NTN1: variants seen among roughly 807,000 people sequenced by gnomAD.
NTN1 encodes netrin-1.
In NTN1, 11 loss-of-function variants were observed where a neutral mutation model predicts 54.2. That is an observed-to-expected ratio of 0.20 (90% CI 0.13 to 0.34). The LOEUF is 0.34. Ranked by LOEUF, NTN1 falls within the 10% of genes least tolerant of loss-of-function variation. The pLI is 1.00. For missense variants in NTN1, 740 were observed against 893.1 expected, an observed-to-expected ratio of 0.83 and a Z score of 2.18; for synonymous variants, 371 against 382.0, an observed-to-expected ratio of 0.97 and a Z score of 0.33.
intron 5 of NTN1, among the ~76,000 whole-genome samples, chr17:9,218,330 C>G (rs1266454907): frequency 6.6e-6 from 1 of 152,154 alleles, no homozygotes; most frequent in Non-Finnish European, 1.5e-5. Flanking sequence ...AAAATGGGGC[C>G]TGATTGAAGG....
chr17:9,145,749 T>C (rs753093682), intron 2 of NTN1, among the ~76,000 whole-genome samples: 62 of 151,954 alleles, frequency 4.1e-4, no homozygotes, highest in Admixed American at 6.6e-4. Flanking sequence ...AAACCCTGTC[T>C]CTACTGAAAA....
chr17:9,193,935 A>AAAAAAAC lies in NTN1; in HGVS notation c.1411+10972_1411+10973insCAAAAAA, dbSNP rs1555574991. Among the ~76,000 whole-genome samples the AAAAAAAC allele has an allele frequency of 1.3e-4, 16 of 123,634 alleles. No homozygotes were observed. The East Asian group carries it at 4.6e-3, about 35-fold the overall frequency. 81.1% of individuals were successfully genotyped at this position (123,634 alleles called of 152,430 possible). ...AAACTCCGACTAAAAAAAAAAAAAA[A>AAAAAAAC]AAAAAAAAACATTATGCAGGTTGGG... On this transcript the variant is annotated intron_variant, in intron 5 of 6. Transcript: ENST00000173229.
chr17:9,023,743 C>T (rs1161960167), intron 2 of NTN1, among the ~76,000 whole-genome samples: 1 of 152,240 alleles, frequency 6.6e-6, no homozygotes, highest in Non-Finnish European at 1.5e-5. Context: ...GATTCACCTG[C>T]ACCCACCCCC....
At position 9,130,240 on chromosome 17, in the gene NTN1, A is replaced by G. The variant is rs1015203667; in HGVS notation, c.1019-32573A>G. Among the ~76,000 whole-genome samples the G allele has an allele frequency of 4.6e-5, 7 of 152,094 alleles. No individual in the cohort carries two copies. The South Asian group carries it at 6.2e-4, about 14-fold the overall frequency. On this transcript the variant is annotated intron_variant, in intron 2 of 6. Coordinates refer to ENST00000173229, the MANE Select transcript of NTN1 (RefSeq NM_004822.3). ...GGCAGATTCTTTGCAGGAGGCTGGT[A>G]TGGGTTTCACTCCAGCACCATGGGT...
chr17:9,059,243 C>G (rs931126552), intron 2 of NTN1, among the ~76,000 whole-genome samples: 2 of 152,226 alleles, frequency 1.3e-5, no homozygotes, highest in East Asian at 1.9e-4. Context: ...GAGGAACTTA[C>G]GCAAATCCTC....
chr17:9,169,804 A>G (rs551050607), intron 3 of NTN1, among the ~76,000 whole-genome samples: 52 of 152,278 alleles, frequency 3.4e-4, no homozygotes, highest in Middle Eastern at 3.4e-3. Context: ...GGCAGAGGTT[A>G]CAGTGAGCCG....
intron 5 of NTN1, among the ~76,000 whole-genome samples, chr17:9,191,942 G>A (rs562754254): frequency 1.3e-5 from 2 of 150,648 alleles, no homozygotes; most frequent in East Asian, 1.9e-4. Flanking sequence ...GCCACTGCAC[G>A]GCAGCGTGGG....
At chr17:9,060,223 A>G (rs2091992544) in intron 2 of NTN1, among the ~76,000 whole-genome samples, 1 of 152,064 alleles carries the variant, frequency 6.6e-6, no homozygotes, top group South Asian at 2.1e-4. Flanking sequence ...TGTGAAGATG[A>G]CAAGGATGAA....
intron 2 of NTN1, among the ~76,000 whole-genome samples, chr17:9,131,654 C>T (rs547686627): frequency 2.0e-5 from 3 of 150,226 alleles, no homozygotes; most frequent in South Asian, 4.2e-4. Flanking sequence ...GATATTAGCT[C>T]ACTGCAACCT....
At chr17:9,233,306 C>T (rs904642173) in intron 6 of NTN1, among the ~76,000 whole-genome samples, 4 of 152,066 alleles carry the variant, frequency 2.6e-5, no homozygotes, top group Admixed American at 6.5e-5. Flanking sequence ...GTTGTTTATT[C>T]GGGGCTGGGC....
rs75111339 is a variant in NTN1, at chr17:9,232,908, C to T, written c.1487-6732C>T. On this transcript the variant is annotated intron_variant, in intron 6 of 6. Transcript: ENST00000173229. Reference sequence around the variant, plus strand: ...GCATTTCAGGAAAGCAGCTGCAGCTCGTGACACGCTTTCCACAGCGGGAGA... The same window carrying T: ...GCATTTCAGGAAAGCAGCTGCAGCTTGTGACACGCTTTCCACAGCGGGAGA... Among the ~76,000 whole-genome samples, 1,036 of 152,244 alleles carry T rather than the reference C, an allele frequency of 6.8e-3. 33 individuals are homozygous for T. Among genetic ancestry groups the T allele is most frequent in the African/African-American group, 0.024 (983 of 41,468 alleles).
chr17:9,046,531 G>A (rs2091941886), intron 2 of NTN1, among the ~76,000 whole-genome samples: 2 of 152,108 alleles, frequency 1.3e-5, no homozygotes, highest in South Asian at 2.1e-4. Context: ...TCATGCCTAC[G>A]ATCCCGGTAC....
Position 9,215,290 on chromosome 17 carries a change from T to TACAC in NTN1, c.1412-5874_1412-5871dup, listed in dbSNP as rs1905195917. On this transcript the variant is annotated intron_variant, in intron 5 of 6. Coordinates refer to ENST00000173229, the MANE Select transcript of NTN1 (RefSeq NM_004822.3). ...ACACACACACACACACACACACACATACACACATGGGGACAGAGAAGGAGA... is the reference window on the plus strand; with the variant it reads ...ACACACACACACACACACACACACATACACACACACATGGGGACAGAGAAGGAGA... Among the ~76,000 whole-genome samples, 21 of 111,862 alleles carry TACAC rather than the reference T, an allele frequency of 1.9e-4. 1 individual carries two copies. Among genetic ancestry groups the TACAC allele is most frequent in the Non-Finnish European group, 2.7e-4 (14 of 51,858 alleles). The allele number at this position is 111,862 out of a possible 152,430, so 73.4% of individuals were successfully genotyped here. A position where few individuals can be genotyped will look rare whatever the true frequency, so the allele number is the denominator to read the frequency against.
intron 2 of NTN1, among the ~76,000 whole-genome samples, chr17:9,074,985 G>A (rs956354209): frequency 6.6e-6 from 1 of 152,240 alleles, no homozygotes; most frequent in African/African-American, 2.4e-5. Flanking sequence ...TGTGGATGTG[G>A]AATATGCTAG....
intron 3 of NTN1, among the ~76,000 whole-genome samples, chr17:9,172,143 A>C (rs2092388662): frequency 6.6e-6 from 1 of 151,970 alleles, no homozygotes; most frequent in Non-Finnish European, 1.5e-5. Flanking sequence ...CCACCTGGTA[A>C]TCCCAAAGTG....
chr17:9,238,776 C>T (rs1236759948), intron 6 of NTN1, among the ~76,000 whole-genome samples: 1 of 152,194 alleles, frequency 6.6e-6, no homozygotes, highest in Non-Finnish European at 1.5e-5. Context: ...TACTATCTTG[C>T]AGAAATGACA....
chr17:9,181,031 A>G (rs1050150774), intron 4 of NTN1, among the ~76,000 whole-genome samples: 6 of 152,208 alleles, frequency 3.9e-5, no homozygotes, highest in African/African-American at 1.2e-4. Flanking sequence ...CAGGTTGCTC[A>G]GAAATGGTTG....
intron 2 of NTN1, among the ~76,000 whole-genome samples, chr17:9,142,438 CA>C (rs1461336097): frequency 2.0e-5 from 3 of 152,164 alleles, no homozygotes; most frequent in Admixed American, 2.0e-4. Context: ...ATGCCTTCAC[CA>C]GGAGGCTCAG....
At chr17:9,222,411 CAT>C (rs1032263180) in intron 6 of NTN1, among the ~76,000 whole-genome samples, 5 of 152,250 alleles carry the variant, frequency 3.3e-5, no homozygotes, top group Non-Finnish European at 5.9e-5. Flanking sequence ...CTGTCCTAAT[CAT>C]ATGCTTCTCA....
Sources: allele counts gnomAD v4.1 joint callset (sites outside exome capture counted in the v4.1 genomes callset), GRCh38; gene constraint gnomAD v4.1.1; transcripts MANE v1.5; gene names NCBI Gene and HGNC (gene_info 2026-07-23, HGNC 2026-07-21).